The following EPB41L4A variants were observed in gnomAD, a reference collection of about 807,000 sequenced individuals.
EPB41L4A encodes the protein erythrocyte membrane protein band 4.1 like 4A.
In EPB41L4A, 100 loss-of-function variants were observed where a neutral mutation model predicts 108.6. The observed-to-expected ratio is 0.92, with a 90% confidence interval of 0.78 to 1.09. The LOEUF (loss-of-function observed/expected upper bound fraction) is 1.09. EPB41L4A is among the 50% of genes least tolerant of loss of function. The pLI, the probability that EPB41L4A is intolerant of heterozygous loss-of-function variation, is 0.00. For missense variants in EPB41L4A, 1,030 were observed against 842.7 expected, an observed-to-expected ratio of 1.22 and a Z score of -2.75; for synonymous variants, 319 against 289.0, an observed-to-expected ratio of 1.10 and a Z score of -1.05.
downstream of EPB41L4A, chr5:112,162,187 A>G (rs961318281): frequency 1.3e-5 from 2 of 152,242 alleles, no homozygotes; most frequent in African/African-American, 2.4e-5. Context: ...TTTGATCTTC[A>G]CAAGAGTTGC....
intron 13 of EPB41L4A, 64 bp from the exon 14 acceptor site, chr5:112,205,568 T>G: frequency 7.9e-7 from 1 of 1,268,478 alleles, no homozygotes; most frequent in Non-Finnish European, 1.1e-6. Context: ...ACTCACATAC[T>G]TATTTGTTAA....
At chr5:112,161,859 T>C (rs1375799305), downstream of EPB41L4A, 3 of 285,158 alleles carry the variant, frequency 1.1e-5, no homozygotes, top group East Asian at 9.5e-5. Flanking sequence ...TGAGTTTTAA[T>C]GTCAGTGGTA....
intron 17 of EPB41L4A, among the ~76,000 whole-genome samples, chr5:112,190,168 A>T (rs1761624382): frequency 1.3e-5 from 2 of 152,230 alleles, no homozygotes; most frequent in South Asian, 4.1e-4. Flanking sequence ...ACTGTTTCAC[A>T]AATTAGTATA....
At chr5:112,295,873 C>A (rs913764577) in intron 2 of EPB41L4A, among the ~76,000 whole-genome samples, 1 of 152,142 alleles carries the variant, frequency 6.6e-6, no homozygotes, top group Non-Finnish European at 1.5e-5. Context: ...CTGTCAGTTC[C>A]TTAAGAATAA....
At chr5:112,313,871 T>TC (rs1755220681) in intron 1 of EPB41L4A, among the ~76,000 whole-genome samples, 1 of 143,274 alleles carries the variant, frequency 7.0e-6, no homozygotes, top group African/African-American at 2.6e-5. Flanking sequence ...TTTTTTTTTT[T>TC]TTTTTTTTTT....
intron 5 of EPB41L4A, 117 bp downstream of exon 5, chr5:112,266,116 T>C: frequency 1.4e-6 from 1 of 733,252 alleles, no homozygotes; most frequent in Non-Finnish European, 2.2e-6. Flanking sequence ...TAAATTCAAT[T>C]TCTTTTTTTT....
intron 1 of EPB41L4A, among the ~76,000 whole-genome samples, chr5:112,410,586 G>A (rs1333127327): frequency 6.6e-6 from 1 of 152,152 alleles, no homozygotes; most frequent in Non-Finnish European, 1.5e-5. Flanking sequence ...ACTGGACACT[G>A]ATGGTGACAA....
In EPB41L4A at chr5:112,285,967, G is replaced by A. The variant is rs186008905; in HGVS notation, c.205-5644C>T. ...AAAAGTACAGAACAGCAGCTCCAAC[G>A]AACTGAAGCCATTCCATCTTACACT... On this transcript the variant is annotated intron_variant, in intron 2 of 22. Coordinates refer to ENST00000261486, the MANE Select transcript of EPB41L4A (RefSeq NM_022140.5). 4.6e-5 allele frequency among the ~76,000 whole-genome samples: 7 copies of A among 152,064 alleles called. No homozygotes were observed. In the East Asian group the frequency reaches 1.4e-3, roughly 29 times the overall value.
intron 4 of EPB41L4A, among the ~76,000 whole-genome samples, chr5:112,269,639 T>C (rs1449876002): frequency 3.3e-5 from 5 of 152,180 alleles, no homozygotes; most frequent in South Asian, 2.1e-4. Flanking sequence ...TTATGCCTAT[T>C]ATGAATATAT....
chr5:112,259,377 T>C, intron 8 of EPB41L4A, 85 bp from the exon 9 acceptor site: 1 of 1,034,396 alleles, frequency 9.7e-7, no homozygotes. Flanking sequence ...GGAAAAAGAC[T>C]GGTGAATACT....
intron 13 of EPB41L4A, among the ~76,000 whole-genome samples, chr5:112,208,728 A>T (rs1165784475): frequency 1.3e-5 from 2 of 152,208 alleles, no homozygotes; most frequent in African/African-American, 4.8e-5. Context: ...CTAAAATAAA[A>T]GTTGAAAAAA....
At chr5:112,368,360 A>ATACC (rs1368851307) in intron 1 of EPB41L4A, among the ~76,000 whole-genome samples, 1 of 151,932 alleles carries the variant, frequency 6.6e-6, no homozygotes. Context: ...ACCTCTTCTG[A>ATACC]TACCTACCCC....
chr5:112,278,504 A>G (rs1370761754), intron 3 of EPB41L4A, among the ~76,000 whole-genome samples: 1 of 151,984 alleles, frequency 6.6e-6, no homozygotes, highest in Non-Finnish European at 1.5e-5. Flanking sequence ...CACCTGCCTC[A>G]GCCACCCAAA....
At chr5:112,247,179 T>C (rs1750299936) in intron 9 of EPB41L4A, among the ~76,000 whole-genome samples, 1 of 147,592 alleles carries the variant, frequency 6.8e-6, no homozygotes, top group Admixed American at 6.9e-5. Flanking sequence ...GTTTTCAAAG[T>C]GGGTATACAA....
chr5:112,414,217 T>C (rs1762576512), intron 1 of EPB41L4A, among the ~76,000 whole-genome samples: 2 of 152,074 alleles, frequency 1.3e-5, no homozygotes, highest in African/African-American at 4.8e-5. Flanking sequence ...AAGATAAAGA[T>C]AACATATTGT....
intron 1 of EPB41L4A, among the ~76,000 whole-genome samples, chr5:112,362,980 C>G (rs145751681): frequency 0.012 from 1,776 of 151,926 alleles, 27 homozygotes; most frequent in South Asian, 0.038. Flanking sequence ...GTCAAGAAAC[C>G]CTGCCCTTGA....
intron 9 of EPB41L4A, among the ~76,000 whole-genome samples, chr5:112,258,736 C>T (rs1354203796): frequency 6.6e-6 from 1 of 152,164 alleles, no homozygotes; most frequent in Non-Finnish European, 1.5e-5. Flanking sequence ...AAAGCAAAGG[C>T]CGGCATTTTT....
At chr5:112,264,280 G>T (rs1477891113) in intron 6 of EPB41L4A, 1 of 152,124 alleles carries the variant, frequency 6.6e-6, no homozygotes, top group Non-Finnish European at 1.5e-5. Context: ...AATCCTACTA[G>T]GGGAGCGTGT....
chr5:112,274,930 C>T (rs1245525417), intron 4 of EPB41L4A, among the ~76,000 whole-genome samples: 4 of 152,136 alleles, frequency 2.6e-5, no homozygotes, highest in Admixed American at 6.5e-5. Context: ...ATTTAAGCTA[C>T]AACCAATTAA....
Sources: allele counts gnomAD v4.1 joint callset (sites outside exome capture counted in the v4.1 genomes callset), GRCh38; gene constraint gnomAD v4.1.1; transcripts MANE v1.5; gene names NCBI Gene and HGNC (gene_info 2026-07-23, HGNC 2026-07-21).